Variants in PTK6 observed in about 807,000 individuals in gnomAD.
The protein encoded by PTK6 is protein-tyrosine kinase 6.
PTK6 carries 47 observed loss-of-function variants against 47.5 expected under a neutral mutation model. That is an observed-to-expected ratio of 0.99 (90% CI 0.78 to 1.26). The LOEUF is 1.26. Ranked by LOEUF, PTK6 falls within the 50% of genes most tolerant of loss-of-function variation. PTK6 has a pLI of 0.00. For synonymous variants in PTK6, 287 were observed against 276.5 expected (o/e 1.04, Z -0.38); for missense variants, 618 against 625.3 (o/e 0.99, Z 0.12).
In PTK6 at chr20:63,532,686, G is replaced by A. The variant is rs1432329607; in HGVS notation, c.672C>T (p.Asp224=). ...VQVAIKVISR[D]NLLHQQMLQS... ...GCAGCATCTGCTGGTGCAGGAGGTT[G>A]TCTGCGGGGACGGGTGGCCTCGGTG... Residue 224 remains aspartate, a splice_region_variant and synonymous_variant, in exon 5 of 8, where the codon GAC becomes GAT. Transcript: ENST00000542869. 2 of 1,613,596 alleles carry A rather than the reference G, an allele frequency of 1.2e-6. No homozygotes were observed. Among genetic ancestry groups the A allele is most frequent in the South Asian group, 2.2e-5 (2 of 91,072 alleles).
In PTK6 at chr20:63,537,144, C is replaced by T. The variant is rs375960611; in HGVS notation, c.171G>A (p.Val57=). The change falls in exon 1 of 8, where the codon GTG becomes GTA. Residue 57 remains valine (V), a synonymous_variant. Transcript: ENST00000542869. The part of the protein sequence containing the change: ...ATLLDEAGGA[V]AQGYVPHNYL... ...AGTTGTGGGGCACATAGCCCTGGGCCACGGCCCCACCCGCCTCGTCCAGCA... is the reference window on the plus strand; with the variant it reads ...AGTTGTGGGGCACATAGCCCTGGGCTACGGCCCCACCCGCCTCGTCCAGCA... 1.2e-5 allele frequency: 20 copies of T among 1,610,854 alleles called. No homozygotes were observed. In the African/African-American group the frequency reaches 2.5e-4, roughly 20 times the overall value.
chr20:63,534,759 G>T, intron 2 of PTK6, 179 bp downstream of exon 2: 1 of 983,526 alleles, frequency 1.0e-6, no homozygotes, highest in Non-Finnish European at 1.4e-6. Context: ...TACCCTAGCA[G>T]CCAGTGACCC....
chr20:63,531,314 G>C (rs926054294), intron 5 of PTK6, among the ~76,000 whole-genome samples: 2 of 150,332 alleles, frequency 1.3e-5, no homozygotes, highest in East Asian at 1.9e-4. Flanking sequence ...CCAGCTACTC[G>C]GGAGGCTGAG....
chr20:63,533,106 C>T lies in PTK6; in HGVS notation c.671-419G>A, dbSNP rs916660810. On this transcript the variant is annotated intron_variant, in intron 4 of 7. Transcript: ENST00000542869. This position sits in a 1 kb window ranked among gnomAD's most constrained non-coding sequence, Gnocchi z 4.0. Reference sequence around the variant, plus strand: ...TTCCCAAGACGGGGTCTTGCTCTGTCGCCCAGGCTGGAGTGCAATGGCGCG... The same window carrying T: ...TTCCCAAGACGGGGTCTTGCTCTGTTGCCCAGGCTGGAGTGCAATGGCGCG... Among the ~76,000 whole-genome samples the T allele has an allele frequency of 4.6e-5, 7 of 150,602 alleles. No homozygotes were observed. Among genetic ancestry groups the T allele is most frequent in the Middle Eastern group, 3.2e-3 (1 of 316 alleles).
At position 63,533,456 on chromosome 20, in the gene PTK6, T is replaced by G. The variant is rs73324456; in HGVS notation, c.670+95A>C. 0.026 allele frequency: 36,837 copies of G among 1,421,284 alleles called. 6,858 individuals carry two copies. The African/African-American group carries it at 0.44, about 17-fold the overall frequency. 88.0% of individuals were successfully genotyped at this position (1,421,284 alleles called of 1,614,324 possible). The stretch of plus-strand genomic sequence containing the variant: ...CTCGCATGGACGCTGTGGGTGCTGC[T>G]TGGGGCTCGAGGCCAGAGGTCCCTG... On this transcript the variant is annotated intron_variant, in intron 4 of 7. Transcript: ENST00000542869. The surrounding 1 kb of genome is among the most constrained non-coding windows in gnomAD (Gnocchi z 4.0).
In PTK6 at chr20:63,535,068, GA is replaced by G; in HGVS notation, c.231-10del. 1 of 1,590,234 alleles carries G rather than the reference GA, an allele frequency of 6.3e-7. No homozygotes were observed. Among genetic ancestry groups the G allele is most frequent in the Non-Finnish European group, 8.6e-7 (1 of 1,162,960 alleles). On this transcript the variant is annotated splice_polypyrimidine_tract_variant and intron_variant, in intron 1 of 7. Coordinates refer to ENST00000542869, the MANE Select transcript of PTK6 (RefSeq NM_005975.4). ...TGCAGCCAAAGAACCACCTGCAGGG[GA>G]GGAGTCTGAGAACACGCGGACCTGG... is the stretch of plus-strand genomic sequence containing the variant.
At chr20:63,535,557 C>T (rs1444225610) in intron 1 of PTK6, among the ~76,000 whole-genome samples, 1 of 152,040 alleles carries the variant, frequency 6.6e-6, no homozygotes, top group African/African-American at 2.4e-5. Context: ...GGGGTGTGGG[C>T]CAGCCCTGGA....
chr20:63,532,254 CTG>C (rs751995062), intron 5 of PTK6, among the ~76,000 whole-genome samples: 7 of 138,088 alleles, frequency 5.1e-5, no homozygotes, highest in African/African-American at 1.6e-4. Context: ...GTGTGTGTGT[CTG>C]TGTCTATGTG....
rs371327255 is a variant in PTK6 at position 63,535,161 on chromosome 20, G to A, written c.231-102C>T. ...CCTGGAACCCCAGCCGCCCTTGCCT[G>A]CCACCTCAAGCTCCCAGCCCTGACC... On this transcript the variant is annotated intron_variant, in intron 1 of 7. Transcript: ENST00000542869. 0.017 allele frequency: 23,490 copies of A among 1,423,204 alleles called. 2,881 individuals carry two copies. In the South Asian group the frequency reaches 0.27, roughly 16 times the overall value. 88.2% of individuals were successfully genotyped at this position (1,423,204 alleles called of 1,614,324 possible).
rs2082593245 is a variant in PTK6 at position 63,528,549 on chromosome 20, G to GGCGCCC, written c.*981_*986dup. 6.6e-6 allele frequency: 1 copy of GGCGCCC among 151,806 alleles called. No homozygotes were observed. Among genetic ancestry groups the GGCGCCC allele is most frequent in the Non-Finnish European group, 1.5e-5 (1 of 68,010 alleles). The allele number at this position is 151,806 out of a possible 1,614,324, so 9.4% of individuals were successfully genotyped here. A position where few individuals can be genotyped will look rare whatever the true frequency, so the allele number is the denominator to read the frequency against. On this transcript the variant is annotated 3_prime_UTR_variant, in exon 8 of 8. Transcript: ENST00000542869. ...AGCCTCCCACGTAGCTGGGACTACA[G>GGCGCCC]GCGCCCACCCCCACCACCACACCCA...
rs750172556 is a variant in PTK6 at position 63,528,968 on chromosome 20, G to A, written c.*568C>T. 4 of 152,282 alleles carry A rather than the reference G, an allele frequency of 2.6e-5. No individual in the cohort carries two copies. The highest frequency in any genetic ancestry group is 5.9e-5 in the Non-Finnish European group (4 of 68,138). The allele number at this position is 152,282 out of a possible 1,614,324, so 9.4% of individuals were successfully genotyped here. A position where few individuals can be genotyped will look rare whatever the true frequency, so the allele number is the denominator to read the frequency against. ...CCTTGTGGACGTGGACGGTGAAACT[G>A]AGCTGGCGCCTCGGGCAGTGATGCT... On this transcript the variant is annotated 3_prime_UTR_variant, in exon 8 of 8. Transcript: ENST00000542869.
At chr20:63,531,065 C>T (rs2145970360) in intron 5 of PTK6, 138 bp from the exon 6 acceptor site, 2 of 816,188 alleles carry the variant, frequency 2.5e-6, no homozygotes, top group East Asian at 6.2e-5. Context: ...GGGCAGCTGG[C>T]CTGATTGAAA....
At chr20:63,535,704 C>T (rs1476277515) in intron 1 of PTK6, among the ~76,000 whole-genome samples, 1 of 151,566 alleles carries the variant, frequency 6.6e-6, no homozygotes, top group East Asian at 1.9e-4. Context: ...GGTCCACCCC[C>T]TCCACTTCCG....
Position 63,529,406 on chromosome 20 carries a change from A to G in PTK6, c.*130T>C. 2.8e-6 allele frequency: 3 copies of G among 1,056,928 alleles called. No homozygotes were observed. The highest frequency in any genetic ancestry group is 3.9e-6 in the Non-Finnish European group (3 of 764,392). 65.5% of individuals were successfully genotyped at this position (1,056,928 alleles called of 1,614,324 possible). ...CGTGTATTGGACGCAGACACTCCAC[A>G]TTTGTGAACCTTTCCTGCACCCATC... On this transcript the variant is annotated 3_prime_UTR_variant, in exon 8 of 8. Coordinates refer to ENST00000542869, the MANE Select transcript of PTK6 (RefSeq NM_005975.4). The surrounding 1 kb of genome is among the most constrained non-coding windows in gnomAD (Gnocchi z 5.6).
chr20:63,529,720 A>AT lies in PTK6; in HGVS notation c.1171dup (p.Met391AsnfsTer5). 6.5e-7 allele frequency: 1 copy of AT among 1,540,330 alleles called. No homozygotes were observed. The highest frequency in any genetic ancestry group is 8.7e-7 in the Non-Finnish European group (1 of 1,144,206). ...CCTCAGGAAGGCCTCATGGTTGGAC[A>AT]TGCCTGCGGCCGACAGGGATGAGAA... On this transcript the variant is annotated frameshift_variant, in exon 8 of 8. Coordinates refer to ENST00000542869, the MANE Select transcript of PTK6 (RefSeq NM_005975.4). LOFTEE classifies it low-confidence loss of function (END_TRUNC). This position sits in a 1 kb window ranked among gnomAD's most constrained non-coding sequence, Gnocchi z 5.6.
intron 1 of PTK6, among the ~76,000 whole-genome samples, chr20:63,536,557 G>A (rs2082669445): frequency 6.6e-6 from 1 of 151,874 alleles, no homozygotes; most frequent in Non-Finnish European, 1.5e-5. Flanking sequence ...TGGAAGCCAG[G>A]GCCAGGCCAC....
intron 1 of PTK6, 47 bp from the exon 2 acceptor site, chr20:63,535,106 G>C: frequency 6.5e-7 from 1 of 1,546,580 alleles, no homozygotes. Flanking sequence ...CCCACCCCAC[G>C]TGGACCCCAC....
At chr20:63,534,356 G>A (rs747797934) in intron 2 of PTK6, 41 bp from the exon 3 acceptor site, 12 of 1,541,604 alleles carry the variant, frequency 7.8e-6, no homozygotes, top group Middle Eastern at 1.7e-4. Context: ...CCCCAACTCC[G>A]ACGCCTCCCT....
Position 63,529,481 on chromosome 20 carries a change from C to T in PTK6, c.*55G>A. On this transcript the variant is annotated 3_prime_UTR_variant, in exon 8 of 8. Coordinates refer to ENST00000542869, the MANE Select transcript of PTK6 (RefSeq NM_005975.4). The surrounding 1 kb of genome is among the most constrained non-coding windows in gnomAD (Gnocchi z 5.6). Reference sequence around the variant, plus strand: ...CGTGGGCCTTGATCCCAGGTCCAGGCCCTCTGCCCAGGCCCCTCCTCAGCA... The same window carrying T: ...CGTGGGCCTTGATCCCAGGTCCAGGTCCTCTGCCCAGGCCCCTCCTCAGCA... The T allele has an allele frequency of 6.8e-7, 1 of 1,472,240 alleles. No homozygotes were observed. Among genetic ancestry groups the T allele is most frequent in the South Asian group, 1.4e-5 (1 of 73,242 alleles). The allele number at this position is 1,472,240 out of a possible 1,614,324, so 91.2% of individuals were successfully genotyped here. A position where few individuals can be genotyped will look rare whatever the true frequency, so the allele number is the denominator to read the frequency against.
Sources: gnomAD v4.1 joint callset for allele counts (sites outside exome capture counted in the v4.1 genomes callset) on GRCh38, gnomAD v4.1.1 for gene constraint, Gnocchi (gnomAD v3.1) non-coding constraint, MANE v1.5 for transcripts, NCBI Gene and HGNC (gene_info 2026-07-23, HGNC 2026-07-21) for gene names.